Variants in ATP6AP1 observed in about 807,000 individuals in gnomAD.
ATP6AP1 encodes the protein ATPase H+ transporting accessory protein 1.
In ATP6AP1, 1 loss-of-function variant was observed where a neutral mutation model predicts 32.0. That is an observed-to-expected ratio of 0.03 (90% CI 0.01 to 0.15). ATP6AP1 has a LOEUF of 0.15. ATP6AP1 is among the 10% of genes least tolerant of loss of function. The pLI, the probability that ATP6AP1 is intolerant of heterozygous loss-of-function variation, is 1.00. For missense variants in ATP6AP1, 297 were observed against 398.8 expected (o/e 0.74, Z 2.17); for synonymous variants, 187 against 174.9 (o/e 1.07, Z -0.55).
chrX:154,431,697 C>G, intron 2 of ATP6AP1, 133 bp from the exon 3 acceptor site: 1 of 574,894 alleles, frequency 1.7e-6, no homozygotes. Flanking sequence ...CACAGTTGTG[C>G]TCCACCATAC....
Position 154,433,752 on chromosome X carries a change from G to A in ATP6AP1, c.684+32G>A, listed in dbSNP as rs370990970. The A allele has an allele frequency of 4.1e-5, 48 of 1,181,116 alleles. No homozygotes were observed. The South Asian group carries it at 6.1e-4, about 15-fold the overall frequency. On this transcript the variant is annotated intron_variant, in intron 6 of 9. Coordinates refer to ENST00000369762, the MANE Select transcript of ATP6AP1 (RefSeq NM_001183.6). ...GCCCTTCCAGCAGGGGCTCTGGGGC[G>A]TGCAGGGAGAGGCAGTGTGGTGAGT...
intron 3 of ATP6AP1, 63 bp downstream of exon 3, chrX:154,431,967 G>A (rs2068695806): frequency 1.8e-6 from 2 of 1,122,206 alleles, no homozygotes; most frequent in Non-Finnish European, 2.4e-6. Context: ...CCCAGCATAA[G>A]AACTGTACTC....
At chrX:154,429,377 T>A in intron 2 of ATP6AP1, 1 of 474,438 alleles carries the variant, frequency 2.1e-6, no homozygotes, top group Non-Finnish European at 3.5e-6. Flanking sequence ...CCAACTTGAT[T>A]GGAGGAAGCG....
chrX:154,432,012 C>T, intron 3 of ATP6AP1, 108 bp downstream of exon 3: 3 of 883,096 alleles, frequency 3.4e-6, no homozygotes, highest in Non-Finnish European at 4.8e-6. Context: ...GTCTGAGTCT[C>T]TTCTGGGTCA....
In ATP6AP1 at chrX:154,434,316, C is replaced by T; in HGVS notation, c.793C>T (p.Pro265Ser). The change falls in exon 7 of 10, where the codon CCC becomes TCC. Residue 265 changes from proline (P) to serine (S), a missense_variant. Physicochemically the swap from Pro to Ser is moderately conservative, Grantham distance 74 (BLOSUM62 -1). Around this residue, in one of 2 missense-constraint regions of ATP6AP1, gnomAD observed 155 missense variants for 253.8 expected, o/e 0.61. Transcript: ENST00000369762. The stretch of plus-strand genomic sequence containing the variant: ...TCCTGTGAGTTACAATGACACCGCT[C>T]CCCGGATCCTGTTCTGGGCCCAAAA... ...HPPVSYNDTAPRILFWAQNFS... is the reference protein window; with the variant it reads ...HPPVSYNDTASRILFWAQNFS... The T allele has an allele frequency of 8.3e-7, 1 of 1,211,763 alleles. No individual in the cohort carries two copies. Among genetic ancestry groups the T allele is most frequent in the Non-Finnish European group, 1.1e-6 (1 of 895,435 alleles).
intron 9 of ATP6AP1, 65 bp from the exon 10 acceptor site, chrX:154,435,617 C>A: frequency 8.5e-7 from 1 of 1,180,593 alleles, no homozygotes; most frequent in Non-Finnish European, 1.2e-6. Flanking sequence ...CCTGCGCTGC[C>A]CCTGTCCCAG....
chrX:154,436,082 G>T lies in ATP6AP1; in HGVS notation c.*191G>T. On this transcript the variant is annotated 3_prime_UTR_variant, in exon 10 of 10. Coordinates refer to ENST00000369762, the MANE Select transcript of ATP6AP1 (RefSeq NM_001183.6). Reference sequence around the variant, plus strand: ...GGCTGCCCCCATCTCTCCCAACAAGGTGTACATATTCTGCGTAGATGCTAG... The same window carrying T: ...GGCTGCCCCCATCTCTCCCAACAAGTTGTACATATTCTGCGTAGATGCTAG... 2.2e-6 allele frequency: 1 copy of T among 463,289 alleles called. No individual in the cohort carries two copies. Among genetic ancestry groups the T allele is most frequent in the Non-Finnish European group, 3.7e-6 (1 of 271,094 alleles). The allele number at this position is 463,289 out of a possible 1,213,427, so 38.2% of individuals were successfully genotyped here. A position where few individuals can be genotyped will look rare whatever the true frequency, so the allele number is the denominator to read the frequency against.
In ATP6AP1 at chrX:154,435,346, C is replaced by T. The variant is rs1557197484; in HGVS notation, c.1044C>T (p.His348=). Residue 348 remains histidine, a synonymous_variant, in exon 9 of 10, where the codon CAC becomes CAT. Coordinates refer to ENST00000369762, the MANE Select transcript of ATP6AP1 (RefSeq NM_001183.6). The part of the protein sequence containing the change: ...HWFTMERLEV[H]SNGSVAYFNA... ...TTACCATGGAGCGCCTCGAAGTCCACAGCAATGGCTCCGTCGCCTACTTCA... is the reference window on the plus strand; with the variant it reads ...TTACCATGGAGCGCCTCGAAGTCCATAGCAATGGCTCCGTCGCCTACTTCA... The T allele has an allele frequency of 8.2e-7, 1 of 1,212,188 alleles. No homozygotes were observed. The highest frequency in any genetic ancestry group is 2.2e-5 in the Admixed American group (1 of 46,107).
At chrX:154,429,505 G>C in intron 2 of ATP6AP1, 1 of 198,023 alleles carries the variant, frequency 5.0e-6, no homozygotes. Context: ...ACTGAGGCTG[G>C]AGGTTAAGTG....
rs1569553183 is a variant in ATP6AP1 at position 154,428,806 on chromosome X, G to GGCA, written c.117_119dup (p.Ala41dup). On this transcript the variant is annotated inframe_insertion, in exon 1 of 10. Transcript: ENST00000369762. ...TGTCGTTGGCGGCGGCGGCGGCGGC[G>GGCA]GCAGCGGCGGAGCAGCAGGTCCCGC... 2 of 1,115,055 alleles carry GGCA rather than the reference G, an allele frequency of 1.8e-6. No individual in the cohort carries two copies. Among genetic ancestry groups the GGCA allele is most frequent in the Admixed American group, 6.1e-5 (2 of 32,791 alleles). The allele number at this position is 1,115,055 out of a possible 1,213,427, so 91.9% of individuals were successfully genotyped here. A position where few individuals can be genotyped will look rare whatever the true frequency, so the allele number is the denominator to read the frequency against.
At chrX:154,432,203 G>T in intron 3 of ATP6AP1, 63 bp from the exon 4 acceptor site, 2 of 1,052,406 alleles carry the variant, frequency 1.9e-6, no homozygotes, top group Admixed American at 5.4e-5. Context: ...GAGAGGTGTG[G>T]GGGGCTGGGC....
intron 2 of ATP6AP1, chrX:154,429,451 T>C: frequency 3.5e-6 from 1 of 287,485 alleles, no homozygotes; most frequent in Admixed American, 5.9e-5. Flanking sequence ...TAGTCCAATA[T>C]GGTGGGTGGG....
At chrX:154,434,547 G>C in intron 7 of ATP6AP1, 101 bp downstream of exon 7, 1 of 868,965 alleles carries the variant, frequency 1.2e-6, no homozygotes. Context: ...TCTGTGTTTT[G>C]GGGTGGGGAT....
intron 4 of ATP6AP1, 112 bp from the exon 5 acceptor site, chrX:154,432,819 C>A: frequency 1.1e-6 from 1 of 924,954 alleles, no homozygotes; most frequent in Non-Finnish European, 1.5e-6. Context: ...TAAGAGTGTG[C>A]AGGCTTGGTG....
At chrX:154,435,564 C>A in intron 9 of ATP6AP1, 59 bp downstream of exon 9, 1 of 1,183,078 alleles carries the variant, frequency 8.5e-7, no homozygotes, top group South Asian at 1.8e-5. Flanking sequence ...GGTTGAGAGA[C>A]GAAGAGAGGC....
At chrX:154,432,871 T>G in intron 4 of ATP6AP1, 60 bp from the exon 5 acceptor site, 1 of 1,171,527 alleles carries the variant, frequency 8.5e-7, no homozygotes, top group Non-Finnish European at 1.2e-6. Flanking sequence ...CGGGGAAGGG[T>G]AGTGGGCAGT....
At chrX:154,434,148 G>A in intron 6 of ATP6AP1, 60 bp from the exon 7 acceptor site, 1 of 1,108,577 alleles carries the variant, frequency 9.0e-7, no homozygotes, top group Non-Finnish European at 1.2e-6. Flanking sequence ...ACGACAATTG[G>A]GTTCAAGTGT....
chrX:154,432,543 G>C lies in ATP6AP1; in HGVS notation c.557+84G>C, dbSNP rs1203804182. On this transcript the variant is annotated intron_variant, in intron 4 of 9. Coordinates refer to ENST00000369762, the MANE Select transcript of ATP6AP1 (RefSeq NM_001183.6). ...GCTATGGCATGTGGTGGCACCGTTT[G>C]GCTAAAGATGCCAGTACTCCCCACC... The C allele has an allele frequency of 3.7e-6, 4 of 1,069,975 alleles. No individual in the cohort carries two copies. The African/African-American group carries it at 5.6e-5, about 15-fold the overall frequency. 88.2% of individuals were successfully genotyped at this position (1,069,975 alleles called of 1,213,427 possible). A position where few individuals can be genotyped will look rare whatever the true frequency, so the allele number is the denominator to read the frequency against.
intron 4 of ATP6AP1, 68 bp from the exon 5 acceptor site, chrX:154,432,863 G>C: frequency 8.6e-7 from 1 of 1,160,416 alleles, no homozygotes; most frequent in African/African-American, 1.8e-5. Context: ...GCTGGGGTCG[G>C]GGAAGGGTAG....
Sources: gnomAD v4.1 joint callset for allele counts on GRCh38, gnomAD v4.1.1 for gene constraint, gnomAD v4.1.1 regional missense constraint, MANE v1.5 for transcripts, NCBI Gene and HGNC (gene_info 2026-07-23, HGNC 2026-07-21) for gene names.